The following HYAL3 variants were observed in gnomAD, a reference collection of about 807,000 sequenced individuals.
HYAL3 encodes the protein hyaluronidase-3.
In HYAL3, 25 loss-of-function variants were observed where a neutral mutation model predicts 29.6. That is an observed-to-expected ratio of 0.85 (90% CI 0.62 to 1.18). The LOEUF (loss-of-function observed/expected upper bound fraction) is 1.18. HYAL3 is among the 50% of genes most tolerant of loss of function. The pLI is 0.00. For synonymous variants in HYAL3, 215 were observed against 218.3 expected (o/e 0.99, Z 0.13); for missense variants, 442 against 548.4 (o/e 0.81, Z 1.94).
chr3:50,299,323 G>A lies in HYAL3; in HGVS notation c.-128C>T. The A allele has an allele frequency of 6.2e-7, 1 of 1,600,502 alleles. No individual in the cohort carries two copies. The highest frequency in any genetic ancestry group is 8.5e-7 in the Non-Finnish European group (1 of 1,175,220). The stretch of plus-strand genomic sequence containing the variant: ...TCCGACAACGTTGGCCCCCAGCGGT[G>A]CGGCGGATGTTCTGCAGCCGTCGCG... On this transcript the variant is annotated 5_prime_UTR_variant, in exon 1 of 4. Transcript: ENST00000336307.
chr3:50,299,389 C>G lies in HYAL3; in HGVS notation c.-194G>C. ...CGGCGTTCTAAGGCCTCCCAGCACC[C>G]GCGCGTCGCCGCTTAGAACCCGCCC... On this transcript the variant is annotated 5_prime_UTR_variant, in exon 1 of 4. Coordinates refer to ENST00000336307, the MANE Select transcript of HYAL3 (RefSeq NM_003549.4). The G allele has an allele frequency of 7.1e-7, 1 of 1,410,770 alleles. No individual in the cohort carries two copies. Among genetic ancestry groups the G allele is most frequent in the South Asian group, 1.3e-5 (1 of 78,498 alleles). The allele number at this position is 1,410,770 out of a possible 1,614,324, so 87.4% of individuals were successfully genotyped here.
intron 1 of HYAL3, among the ~76,000 whole-genome samples, chr3:50,296,221 T>C (rs1357394022): frequency 6.6e-6 from 1 of 152,102 alleles, no homozygotes; most frequent in Non-Finnish European, 1.5e-5. Flanking sequence ...AATGAGTGAA[T>C]GGGGAAGAAA....
chr3:50,299,142 G>C lies in HYAL3; in HGVS notation c.-18+71C>G, dbSNP rs370533099. The stretch of plus-strand genomic sequence containing the variant: ...TGACGCGGGGAGGGCGTGCAGGGTG[G>C]CATGGCCACTTGGGGACCGCACGCG... On this transcript the variant is annotated intron_variant, in intron 1 of 3. Transcript: ENST00000336307. 2,134 of 1,613,542 alleles carry C rather than the reference G, an allele frequency of 1.3e-3. 11 individuals are homozygous for C. Among genetic ancestry groups the C allele is most frequent in the Middle Eastern group, 5.2e-3 (31 of 5,964 alleles).
At position 50,298,178 on chromosome 3, in the gene HYAL3, T is replaced by C. The variant is rs1263826821; in HGVS notation, c.-18+1035A>G. ...CATAGGAAAAACTGCCCGGGAGTCT[T>C]CCTGTCCCTTTCTTCTCCCTATGTT... is the stretch of plus-strand genomic sequence containing the variant. On this transcript the variant is annotated intron_variant, in intron 1 of 3. Transcript: ENST00000336307. The C allele has an allele frequency of 3.7e-6, 3 of 818,928 alleles. No homozygotes were observed. The African/African-American group carries it at 5.6e-5, about 15-fold the overall frequency. The allele number at this position is 818,928 out of a possible 1,614,324, so 50.7% of individuals were successfully genotyped here. A position where few individuals can be genotyped will look rare whatever the true frequency, so the allele number is the denominator to read the frequency against.
rs782014643 is a variant in HYAL3, at chr3:50,293,132, G to C, written c.*114C>G. 6.5e-7 allele frequency: 1 copy of C among 1,527,622 alleles called. No individual in the cohort carries two copies. The highest frequency in any genetic ancestry group is 1.1e-5 in the South Asian group (1 of 88,690). 94.6% of individuals were successfully genotyped at this position (1,527,622 alleles called of 1,614,324 possible). A position where few individuals can be genotyped will look rare whatever the true frequency, so the allele number is the denominator to read the frequency against. ...TCAGGGATTCCAAGGGAAGCGGGGT[G>C]TGTGCTTGGGAGGGTTGACTGTAAA... On this transcript the variant is annotated 3_prime_UTR_variant, in exon 4 of 4. Coordinates refer to ENST00000336307, the MANE Select transcript of HYAL3 (RefSeq NM_003549.4).
Position 50,293,724 on chromosome 3 carries a change from G to A in HYAL3, c.895-3C>T, listed in dbSNP as rs1181597419. The A allele has an allele frequency of 1.2e-6, 2 of 1,613,348 alleles. No homozygotes were observed. The highest frequency in any genetic ancestry group is 1.7e-6 in the Non-Finnish European group (2 of 1,179,908). On this transcript the variant is annotated splice_region_variant and splice_polypyrimidine_tract_variant and intron_variant, in intron 2 of 3. Coordinates refer to ENST00000336307, the MANE Select transcript of HYAL3 (RefSeq NM_003549.4). ...CCAATGGACTGCACAAGGTCATCCT[G>A]GAGGCAGAGAGCTGCTAAGCCAGTG...
intron 1 of HYAL3, chr3:50,296,662 C>T: frequency 6.2e-7 from 1 of 1,614,022 alleles, no homozygotes; most frequent in Non-Finnish European, 8.5e-7. Context: ...TATTGTGTCT[C>T]CAGCAGGCTT....
chr3:50,293,620 G>C lies in HYAL3; in HGVS notation c.984+12C>G, dbSNP rs1701741002. On this transcript the variant is annotated intron_variant, in intron 3 of 3. Coordinates refer to ENST00000336307, the MANE Select transcript of HYAL3 (RefSeq NM_003549.4). ...ATGTGCTACATGGCAGGCTCAAAGG[G>C]GCAATGATCACCTCAGAGCTGGAGA... The C allele has an allele frequency of 6.2e-7, 1 of 1,613,750 alleles. No homozygotes were observed. The highest frequency in any genetic ancestry group is 8.5e-7 in the Non-Finnish European group (1 of 1,179,936).
intron 1 of HYAL3, 61 bp from the exon 2 acceptor site, chr3:50,295,680 G>T: frequency 7.2e-7 from 1 of 1,393,978 alleles, no homozygotes; most frequent in Non-Finnish European, 9.5e-7. Flanking sequence ...CTTCCACATG[G>T]CAGGGAAAGC....
In HYAL3 at chr3:50,297,629, G is replaced by A; in HGVS notation, c.-18+1584C>T. ...TGCCAGGCTGGAGGTTAAGACCCCA[G>A]TCTCCAGGCAGTAGCATCTCTTCAG... On this transcript the variant is annotated intron_variant, in intron 1 of 3. Transcript: ENST00000336307. This position sits in a 1 kb window ranked among gnomAD's most constrained non-coding sequence, Gnocchi z 4.3. 1 of 1,463,222 alleles carries A rather than the reference G, an allele frequency of 6.8e-7. No homozygotes were observed. The highest frequency in any genetic ancestry group is 9.0e-7 in the Non-Finnish European group (1 of 1,113,172). The allele number at this position is 1,463,222 out of a possible 1,614,324, so 90.6% of individuals were successfully genotyped here.
At position 50,297,174 on chromosome 3, in the gene HYAL3, G is replaced by A; in HGVS notation, c.-17-1555C>T. On this transcript the variant is annotated intron_variant, in intron 1 of 3. Coordinates refer to ENST00000336307, the MANE Select transcript of HYAL3 (RefSeq NM_003549.4). The surrounding 1 kb of genome is among the most constrained non-coding windows in gnomAD (Gnocchi z 4.3). ...CAGGCAGAGGGGGAAGGCATCTGAG[G>A]ACTGGCCCAGGGAGTGCAGGCGGGA... The A allele has an allele frequency of 6.2e-7, 1 of 1,608,674 alleles. No individual in the cohort carries two copies. Among genetic ancestry groups the A allele is most frequent in the Non-Finnish European group, 8.5e-7 (1 of 1,176,722 alleles).
rs192428304 is a variant in HYAL3, at chr3:50,296,668, G to A, written c.-17-1049C>T. 1,677 of 1,614,032 alleles carry A rather than the reference G, an allele frequency of 1.0e-3. 14 individuals carry two copies. In the African/African-American group the frequency reaches 0.02, roughly 19 times the overall value. On this transcript the variant is annotated intron_variant, in intron 1 of 3. Transcript: ENST00000336307. ...ACATTTTGATATTGTGTCTCCAGCA[G>A]GCTTTTTGAAGGGGGCCCTGATGGA... is the stretch of plus-strand genomic sequence containing the variant.
chr3:50,299,146 G>C (rs1702010075), intron 1 of HYAL3, 67 bp downstream of exon 1: 3 of 1,613,716 alleles, frequency 1.9e-6, no homozygotes, highest in Non-Finnish European at 2.5e-6. Context: ...AGGGTGGCAT[G>C]GCCACTTGGG....
intron 1 of HYAL3, 196 bp from the exon 2 acceptor site, chr3:50,295,815 C>CA: frequency 2.5e-6 from 1 of 400,088 alleles, no homozygotes; most frequent in South Asian, 4.6e-5. Context: ...CCCCGGGCAT[C>CA]GAGTGGCAGG....
In HYAL3 at chr3:50,295,128, CAG is replaced by C. The variant is rs1559807685; in HGVS notation, c.473_474del (p.Pro158ArgfsTer16). On this transcript the variant is annotated frameshift_variant, in exon 2 of 4. Transcript: ENST00000336307. LOFTEE classifies it high-confidence loss of function. ...ASWAWAQQVFPDLDPQEQLYK... is the reference protein window; with the variant it reads ...ASWAWAQQVFXDLDPQEQLYK... ...TAGAGCTGCTCCTGAGGGTCCAGGT[CAG>C]GGAATACCTGCTGTGCCCAAGCCCA... 1.2e-6 allele frequency: 2 copies of C among 1,613,488 alleles called. No individual in the cohort carries two copies. Among genetic ancestry groups the C allele is most frequent in the Admixed American group, 1.7e-5 (1 of 60,012 alleles).
rs782083172 is a variant in HYAL3 at position 50,294,991 on chromosome 3, G to A, written c.612C>T (p.Ala204=). The change falls in exon 2 of 4, where the codon GCC becomes GCT. Residue 204 remains alanine, a synonymous_variant. Transcript: ENST00000336307. ...CCATACTATGCCAGCCATTGCCACA[G>A]GCTGGGTAGTGATAGAAGCCCCAGA... ...HGLWGFYHYP[A]CGNGWHSMAS... The A allele has an allele frequency of 9.9e-6, 16 of 1,613,326 alleles. No homozygotes were observed. In the East Asian group the frequency reaches 3.3e-4, roughly 34 times the overall value.
At chr3:50,298,125 C>A (rs944738800) in intron 1 of HYAL3, 5 of 981,972 alleles carry the variant, frequency 5.1e-6, no homozygotes, top group Admixed American at 6.2e-5. Context: ...CACTATACCC[C>A]CTGCTCAAAC....
chr3:50,293,676 C>A lies in HYAL3; in HGVS notation c.940G>T (p.Ala314Ser). 6.2e-7 allele frequency: 1 copy of A among 1,613,794 alleles called. No homozygotes were observed. Among genetic ancestry groups the A allele is most frequent in the South Asian group, 1.1e-5 (1 of 91,088 alleles). ...AGGTCCCCCCAGAGCACCACGCCGG[C>A]TGCCCCTAGTGCTGCACTCACACCA... is the stretch of plus-strand genomic sequence containing the variant. ...SIGVSAALGA[A>S]GVVLWGDLSL... The change falls in exon 3 of 4, where the codon GCC (alanine) becomes TCC (serine). Residue 314 changes from alanine to serine, a missense_variant. Physicochemically the swap from Ala to Ser is moderately conservative, Grantham distance 99. Coordinates refer to ENST00000336307, the MANE Select transcript of HYAL3 (RefSeq NM_003549.4).
intron 1 of HYAL3, chr3:50,295,900 T>C (rs939200628): frequency 1.2e-5 from 5 of 408,440 alleles, no homozygotes; most frequent in Non-Finnish European, 2.2e-5. Context: ...AATACACCAC[T>C]GTGTCCTCCC....
Sources: gnomAD v4.1 joint callset for allele counts (sites outside exome capture counted in the v4.1 genomes callset) on GRCh38, gnomAD v4.1.1 for gene constraint, Gnocchi (gnomAD v3.1) non-coding constraint, MANE v1.5 for transcripts, NCBI Gene and HGNC (gene_info 2026-07-23, HGNC 2026-07-21) for gene names.